The following CUL4A variants were observed in gnomAD, a reference collection of about 807,000 sequenced individuals.
The protein encoded by CUL4A is cullin 4A.
CUL4A carries 16 observed loss-of-function variants against 95.5 expected under a neutral mutation model. The observed-to-expected ratio is 0.17, with a 90% CI of 0.11 to 0.25. CUL4A has a LOEUF of 0.25. Ranked by LOEUF, CUL4A falls within the 10% of genes least tolerant of loss-of-function variation. CUL4A has a pLI of 1.00. For missense variants in CUL4A, 610 were observed against 937.0 expected (o/e 0.65, Z 4.56); for synonymous variants, 380 against 353.1 (o/e 1.08, Z -0.85).
chr13:113,251,686 C>T (rs1351973674), intron 15 of CUL4A, among the ~76,000 whole-genome samples: 4 of 152,140 alleles, frequency 2.6e-5, no homozygotes, highest in Non-Finnish European at 5.9e-5. Context: ...CATGTGAAGA[C>T]GTGCCTGCTT....
At chr13:113,230,653 C>T in intron 5 of CUL4A, among the ~76,000 whole-genome samples, 1 of 152,226 alleles carries the variant, frequency 6.6e-6, no homozygotes, top group East Asian at 1.9e-4. Context: ...TAGAGCAGCT[C>T]TGTGGCGTGG....
intron 18 of CUL4A, 59 bp from the exon 19 acceptor site, chr13:113,260,548 G>A (rs1011455044): frequency 3.4e-5 from 51 of 1,489,342 alleles, no homozygotes; most frequent in Middle Eastern, 1.9e-4. Context: ...AGACTCCATC[G>A]CAAAAAATAA....
intron 2 of CUL4A, among the ~76,000 whole-genome samples, chr13:113,210,861 C>T (rs1373245118): frequency 1.3e-5 from 2 of 152,176 alleles, no homozygotes; most frequent in Non-Finnish European, 2.9e-5. Flanking sequence ...AAAAAGAAGA[C>T]TTCAATCACC....
chr13:113,231,655 G>T (rs2041314214), intron 5 of CUL4A, among the ~76,000 whole-genome samples: 1 of 152,150 alleles, frequency 6.6e-6, no homozygotes, highest in Non-Finnish European at 1.5e-5. Flanking sequence ...AACAGTTCAG[G>T]AAGGAAAGGC....
intron 15 of CUL4A, among the ~76,000 whole-genome samples, chr13:113,251,657 C>A (rs1464978710): frequency 1.3e-5 from 2 of 152,156 alleles, no homozygotes; most frequent in African/African-American, 4.8e-5. Context: ...TCCCCCTTCT[C>A]TCTCTTCCCT....
At chr13:113,253,263 T>C in intron 16 of CUL4A, 68 bp downstream of exon 16, 1 of 750,338 alleles carries the variant, frequency 1.3e-6, no homozygotes, top group Non-Finnish European at 2.0e-6. Context: ...TTATTGTTAC[T>C]GGACTTTAGT....
At chr13:113,253,859 A>C (rs2042055531) in intron 16 of CUL4A, among the ~76,000 whole-genome samples, 1 of 152,240 alleles carries the variant, frequency 6.6e-6, no homozygotes, top group African/African-American at 2.4e-5. Flanking sequence ...ACTAAGCAAA[A>C]ACATAAAATT....
At chr13:113,253,001 G>T in intron 15 of CUL4A, 81 bp from the exon 16 acceptor site, 1 of 610,592 alleles carries the variant, frequency 1.6e-6, no homozygotes, top group East Asian at 2.9e-5. Context: ...GTGAGAAATT[G>T]TAAAACTCTG....
At chr13:113,248,205 T>C (rs2041904981) in intron 15 of CUL4A, among the ~76,000 whole-genome samples, 1 of 152,260 alleles carries the variant, frequency 6.6e-6, no homozygotes. Context: ...GTCACCTGTG[T>C]GGCGATTCCT....
At position 113,260,718 on chromosome 13, in the gene CUL4A, C is replaced by A. The variant is rs2042253270; in HGVS notation, c.2143C>A (p.Leu715Ile). 4 of 1,604,000 alleles carry A rather than the reference C, an allele frequency of 2.5e-6. No individual in the cohort carries two copies. The highest frequency in any genetic ancestry group is 3.4e-6 in the Non-Finnish European group (4 of 1,175,322). Residue 715 changes from leucine to isoleucine, a missense_variant, in exon 19 of 20, where the codon CTA becomes ATA. Leu to Ile is a conservative substitution (Grantham distance 5). Transcript: ENST00000375440. ...KMRKTLGHNL[L>I]VSELYNQLKF... ...GAGAAAGACTCTTGGTCATAATCTTCTAGTTTCTGAATTATATAATCAGCT... is the reference window on the plus strand; with the variant it reads ...GAGAAAGACTCTTGGTCATAATCTTATAGTTTCTGAATTATATAATCAGCT...
intron 18 of CUL4A, among the ~76,000 whole-genome samples, chr13:113,259,813 T>A (rs1411423383): frequency 1.3e-5 from 2 of 152,144 alleles, no homozygotes; most frequent in African/African-American, 2.4e-5. Context: ...AGTTTTGGTT[T>A]TGGAGTTTTG....
At chr13:113,254,846 T>C (rs775368707) in intron 17 of CUL4A, 48 bp downstream of exon 17, 2 of 1,579,308 alleles carry the variant, frequency 1.3e-6, no homozygotes, top group Admixed American at 1.7e-5. Flanking sequence ...TCTTAAAGCA[T>C]GTATTTGTTT....
intron 2 of CUL4A, among the ~76,000 whole-genome samples, chr13:113,214,519 T>TA (rs1483462674): frequency 1.4e-4 from 21 of 151,040 alleles, no homozygotes; most frequent in East Asian, 7.8e-4. Context: ...TCAGGCCCTT[T>TA]AAAAAAAAAG....
chr13:113,240,475 C>G (rs975829520), intron 10 of CUL4A, among the ~76,000 whole-genome samples: 2 of 152,186 alleles, frequency 1.3e-5, no homozygotes, highest in African/African-American at 4.8e-5. Flanking sequence ...GTGCCAGTTG[C>G]CTAGCATGAA....
Position 113,260,211 on chromosome 13 carries a change from A to AAAAAAAAAACAAAACAAAAC in CUL4A, c.2032-388_2032-387insACAAAACAAAACAAAAAAAA, listed in dbSNP as rs1197388632. 3.3e-4 allele frequency among the ~76,000 whole-genome samples: 39 copies of AAAAAAAAAACAAAACAAAAC among 119,526 alleles called. 4 individuals carry two copies. The highest frequency in any genetic ancestry group is 1.4e-3 in the African/African-American group (39 of 27,714). 78.4% of individuals were successfully genotyped at this position (119,526 alleles called of 152,430 possible). Reference sequence around the variant, plus strand: ...AGAGTGAGACTCCGTCTCAAAAAAAAAAAAAAAACCATTTCCCATCAAATT... The same window carrying AAAAAAAAAACAAAACAAAAC: ...AGAGTGAGACTCCGTCTCAAAAAAAAAAAAAAAAACAAAACAAAACAAAAAAAACCATTTCCCATCAAATT... On this transcript the variant is annotated intron_variant, in intron 18 of 19. Transcript: ENST00000375440.
rs377650868 is a variant in CUL4A at position 113,210,055 on chromosome 13, C to G, written c.231C>G (p.Thr77=). ...CGGTGCGGGCCGTGCAGAGCAGCAC[C>G]TCCATCAGGTACAACCTCGAGGAGC... The part of the protein sequence containing the change: ...HEAVRAVQSS[T]SIRYNLEELY... The change falls in exon 2 of 20, where the codon ACC becomes ACG. Residue 77 remains threonine (T), a synonymous_variant. Transcript: ENST00000375440. The G allele has an allele frequency of 1.1e-3, 1,656 of 1,519,274 alleles. 8 individuals are homozygous for G. The highest frequency in any genetic ancestry group is 2.3e-3 in the Middle Eastern group (13 of 5,610). The allele number at this position is 1,519,274 out of a possible 1,614,324, so 94.1% of individuals were successfully genotyped here. A position where few individuals can be genotyped will look rare whatever the true frequency, so the allele number is the denominator to read the frequency against.
In CUL4A at chr13:113,255,077, G is replaced by A; in HGVS notation, c.1983G>A (p.Lys661=). ...GDKFIFNGEF[K]HKLFRIKINQ... ...AGTTCATTTTTAATGGAGAGTTCAA[G>A]CACAAGTTGTTTAGAATAAAGATCA... is the stretch of plus-strand genomic sequence containing the variant. The change falls in exon 18 of 20, where the codon AAG becomes AAA. Residue 661 remains lysine, a synonymous_variant. Coordinates refer to ENST00000375440, the MANE Select transcript of CUL4A (RefSeq NM_001008895.4). 3.1e-6 allele frequency: 5 copies of A among 1,614,036 alleles called. No individual in the cohort carries two copies. Among genetic ancestry groups the A allele is most frequent in the South Asian group, 1.1e-5 (1 of 91,040 alleles).
At chr13:113,209,948 C>A in intron 1 of CUL4A, 25 bp from the exon 2 acceptor site, 1 of 1,476,556 alleles carries the variant, frequency 6.8e-7, no homozygotes, top group Non-Finnish European at 9.0e-7. Context: ...CGCCCTGAGC[C>A]GCCCGCTCTC....
intron 5 of CUL4A, 106 bp downstream of exon 5, chr13:113,229,625 T>C (rs2041237462): frequency 2.1e-6 from 2 of 938,500 alleles, no homozygotes; most frequent in South Asian, 2.9e-5. Flanking sequence ...TGATTACTTG[T>C]GCCTTCCTTT....
Sources: allele counts gnomAD v4.1 joint callset (sites outside exome capture counted in the v4.1 genomes callset), GRCh38; gene constraint gnomAD v4.1.1; transcripts MANE v1.5; gene names NCBI Gene and HGNC (gene_info 2026-07-23, HGNC 2026-07-21).